Variants in SKAP2 observed in about 807,000 individuals in gnomAD.
SKAP2 encodes the protein src kinase-associated phosphoprotein 2.
SKAP2 carries 28 observed loss-of-function variants against 54.9 expected under a neutral mutation model. The ratio of observed to expected loss-of-function variants is 0.51; its 90% confidence interval spans 0.38 to 0.70. The LOEUF (loss-of-function observed/expected upper bound fraction) is 0.70. SKAP2 is among the 30% of genes least tolerant of loss of function. The pLI, the probability that SKAP2 is intolerant of heterozygous loss-of-function variation, is 0.00. For synonymous variants in SKAP2, 137 were observed against 134.3 expected, an observed-to-expected ratio of 1.02 and a Z score of -0.14; for missense variants, 356 against 424.1, an observed-to-expected ratio of 0.84 and a Z score of 1.41.
chr7:26,726,200 C>A (rs1407527817), intron 7 of SKAP2, among the ~76,000 whole-genome samples: 1 of 152,122 alleles, frequency 6.6e-6, no homozygotes, highest in Non-Finnish European at 1.5e-5. Flanking sequence ...CAGCAGCTGG[C>A]AGCTGTGCAG....
chr7:26,756,393 G>C (rs1003741472), intron 4 of SKAP2, among the ~76,000 whole-genome samples: 6 of 152,006 alleles, frequency 3.9e-5, no homozygotes, highest in Non-Finnish European at 8.8e-5. Flanking sequence ...TGTTCTCATT[G>C]TTCAATTCTC....
intron 4 of SKAP2, among the ~76,000 whole-genome samples, chr7:26,824,526 T>C (rs928364793): frequency 2.6e-5 from 4 of 151,990 alleles, no homozygotes; most frequent in African/African-American, 9.7e-5. Context: ...TAGGCCAAAT[T>C]TGTAACTTGG....
intron 4 of SKAP2, among the ~76,000 whole-genome samples, chr7:26,759,436 T>C (rs1782874964): frequency 6.6e-6 from 1 of 152,142 alleles, no homozygotes; most frequent in East Asian, 1.9e-4. Flanking sequence ...GTTTGCTCAA[T>C]CCACACAGTT....
rs1784448995 is a variant in SKAP2 at position 26,824,549 on chromosome 7, A to C, written c.307+19481T>G. Among the ~76,000 whole-genome samples the C allele has an allele frequency of 4.8e-5, 7 of 146,704 alleles. No homozygotes were observed. The South Asian group carries it at 1.5e-3, about 32-fold the overall frequency. On this transcript the variant is annotated intron_variant, in intron 4 of 12. Coordinates refer to ENST00000345317, the MANE Select transcript of SKAP2 (RefSeq NM_003930.5). ...ATTTGTAACTTGGCCTATCAGTTTG[A>C]GACCCTTGTTCTAGACACTTTGTAT...
At chr7:26,720,679 A>T (rs1787559689) in intron 9 of SKAP2, among the ~76,000 whole-genome samples, 1 of 152,166 alleles carries the variant, frequency 6.6e-6, no homozygotes. Flanking sequence ...ATCATGGCGG[A>T]AGGGGAAGCA....
At chr7:26,854,983 T>C in intron 1 of SKAP2, 93 bp from the exon 2 acceptor site, 1 of 785,324 alleles carries the variant, frequency 1.3e-6, no homozygotes, top group Non-Finnish European at 2.0e-6. Context: ...TACATATAAG[T>C]GTTAATACCT....
chr7:26,796,285 C>T (rs1783777764), intron 4 of SKAP2, among the ~76,000 whole-genome samples: 1 of 152,126 alleles, frequency 6.6e-6, no homozygotes, highest in African/African-American at 2.4e-5. Context: ...TCTCCTGTTG[C>T]TGTTGGGGTG....
At chr7:26,725,375 C>G in intron 9 of SKAP2, 53 bp downstream of exon 9, 1 of 1,365,548 alleles carries the variant, frequency 7.3e-7, no homozygotes. Flanking sequence ...CACACACTCA[C>G]ACACACACAC....
At position 26,854,140 on chromosome 7, in the gene SKAP2, T is replaced by C. The variant is rs1371891891; in HGVS notation, c.196A>G (p.Lys66Glu). 2.5e-6 allele frequency: 4 copies of C among 1,585,298 alleles called. 1 individual carries two copies. In the South Asian group the frequency reaches 4.7e-5, roughly 19 times the overall value. Residue 66 changes from lysine to glutamate, a missense_variant, in exon 3 of 13, where the codon AAA becomes GAA. Coordinates refer to ENST00000345317, the MANE Select transcript of SKAP2 (RefSeq NM_003930.5). ...TTTGCCAAACATGAAAACTTACCTT[T>C]GTCTTGAAATTCCTGAAGATAGCTA... ...KSIYLQEFQD[K>E]GDAEDGEEYD...
chr7:26,790,169 C>G (rs1395129494), intron 4 of SKAP2, among the ~76,000 whole-genome samples: 1 of 152,158 alleles, frequency 6.6e-6, no homozygotes. Flanking sequence ...TCTTAGCCCC[C>G]TAATTACTTA....
intron 3 of SKAP2, 127 bp from the exon 4 acceptor site, chr7:26,844,264 G>A (rs77046472): frequency 1.7e-6 from 1 of 580,144 alleles, no homozygotes; most frequent in Non-Finnish European, 3.0e-6. Context: ...TCATTGTCAT[G>A]GAAAAACAAA....
intron 10 of SKAP2, among the ~76,000 whole-genome samples, chr7:26,687,229 C>T (rs1294284220): frequency 8.7e-5 from 13 of 150,152 alleles, no homozygotes; most frequent in Admixed American, 8.6e-4. Context: ...GAAGAGAGAC[C>T]CCCACCGTGT....
At chr7:26,777,805 T>A (rs1229245281) in intron 4 of SKAP2, among the ~76,000 whole-genome samples, 1 of 152,042 alleles carries the variant, frequency 6.6e-6, no homozygotes, top group Admixed American at 6.6e-5. Flanking sequence ...AAGACAGGCA[T>A]GAATGGTATT....
intron 4 of SKAP2, among the ~76,000 whole-genome samples, chr7:26,821,661 A>T (rs148855357): frequency 1.2e-3 from 186 of 152,280 alleles, no homozygotes; most frequent in Admixed American, 3.5e-3. Flanking sequence ...AAGCTCAACA[A>T]ACTTGATCTT....
At chr7:26,689,908 T>C (rs998100344) in intron 10 of SKAP2, among the ~76,000 whole-genome samples, 1 of 152,186 alleles carries the variant, frequency 6.6e-6, no homozygotes, top group African/African-American at 2.4e-5. Context: ...CAGATGTCTA[T>C]ATTACATTCT....
intron 1 of SKAP2, among the ~76,000 whole-genome samples, chr7:26,856,754 T>C (rs1785171845): frequency 6.6e-6 from 1 of 152,216 alleles, no homozygotes; most frequent in Admixed American, 6.5e-5. Flanking sequence ...GAAGAATCAC[T>C]GGCCCAATGA....
chr7:26,711,434 G>A (rs1300913011), intron 9 of SKAP2, among the ~76,000 whole-genome samples: 1 of 152,150 alleles, frequency 6.6e-6, no homozygotes, highest in Non-Finnish European at 1.5e-5. Flanking sequence ...GTTCATCAGC[G>A]ACTTTGTGGA....
chr7:26,857,857 T>C (rs1785205240), intron 1 of SKAP2: 1 of 395,492 alleles, frequency 2.5e-6, no homozygotes, highest in Non-Finnish European at 3.4e-6. Flanking sequence ...GTGCTCTAAA[T>C]AGCCCTGCAA....
chr7:26,754,936 C>T (rs978369625), intron 4 of SKAP2, among the ~76,000 whole-genome samples: 2 of 152,140 alleles, frequency 1.3e-5, no homozygotes, highest in Admixed American at 6.5e-5. Flanking sequence ...GATACACATC[C>T]CGCTAAAATT....
Sources: allele counts gnomAD v4.1 joint callset (sites outside exome capture counted in the v4.1 genomes callset), GRCh38; gene constraint gnomAD v4.1.1; transcripts MANE v1.5; gene names NCBI Gene and HGNC (gene_info 2026-07-23, HGNC 2026-07-21).